DPF3: variants seen among roughly 807,000 people sequenced by gnomAD.
The protein encoded by DPF3 is double PHD fingers 3, also known as zinc finger protein DPF3.
Under a neutral mutation model 56.8 loss-of-function variants are expected in DPF3, and 18 were observed. The ratio of observed to expected loss-of-function variants is 0.32; its 90% CI spans 0.22 to 0.47. The LOEUF (loss-of-function observed/expected upper bound fraction) is 0.47, where lower values mean the gene tolerates loss of function less well. DPF3 is among the 20% of genes least tolerant of loss of function. DPF3 has a pLI of 1.00. For missense variants in DPF3, 403 were observed against 488.8 expected, an observed-to-expected ratio of 0.82 and a Z score of 1.65; for synonymous variants, 188 against 180.2, an observed-to-expected ratio of 1.04 and a Z score of -0.35.
chr14:72,791,138 C>A (rs1371150064), intron 1 of DPF3, among the ~76,000 whole-genome samples: 6 of 152,180 alleles, frequency 3.9e-5, no homozygotes, highest in Non-Finnish European at 2.9e-5. Context: ...ACTCCCCCGA[C>A]CTAGCCCTAG....
chr14:72,884,664 C>T (rs748158855), intron 1 of DPF3, among the ~76,000 whole-genome samples: 102 of 151,802 alleles, frequency 6.7e-4, no homozygotes, highest in Middle Eastern at 3.4e-3. Context: ...CCACCCACCT[C>T]CTGTTGTCAG....
At chr14:72,637,114 A>G (rs1885405628) in intron 8 of DPF3, among the ~76,000 whole-genome samples, 1 of 152,234 alleles carries the variant, frequency 6.6e-6, no homozygotes, top group Admixed American at 6.5e-5. Context: ...CATTCATGCA[A>G]GAGTATTACG....
At chr14:72,703,324 T>G (rs542349326) in intron 6 of DPF3, among the ~76,000 whole-genome samples, 90 of 152,272 alleles carry the variant, frequency 5.9e-4, no homozygotes, top group African/African-American at 2.1e-3. Flanking sequence ...ACAGCCACAT[T>G]TCTTGGGGCC....
intron 3 of DPF3, among the ~76,000 whole-genome samples, chr14:72,741,702 C>T (rs2139876539): frequency 1.3e-5 from 2 of 152,380 alleles, no homozygotes; most frequent in Admixed American, 1.3e-4. Context: ...GTACTATGTG[C>T]CAAGCCTCAT....
At chr14:72,847,701 G>A (rs1445712292) in intron 1 of DPF3, among the ~76,000 whole-genome samples, 4 of 151,862 alleles carry the variant, frequency 2.6e-5, no homozygotes, top group African/African-American at 4.8e-5. Flanking sequence ...TAGTAGAGAC[G>A]GGCTTTCACC....
At chr14:72,850,563 G>A (rs1250478352) in intron 1 of DPF3, among the ~76,000 whole-genome samples, 1 of 152,218 alleles carries the variant, frequency 6.6e-6, no homozygotes, top group Non-Finnish European at 1.5e-5. Flanking sequence ...TTCAGTCACT[G>A]CACTCATCCA....
At chr14:72,881,974 T>G (rs572174344) in intron 1 of DPF3, among the ~76,000 whole-genome samples, 3 of 152,168 alleles carry the variant, frequency 2.0e-5, no homozygotes, top group Non-Finnish European at 4.4e-5. Context: ...GATGAAGAGG[T>G]ATTGTCTGAT....
At chr14:72,712,282 G>A (rs1888688242) in intron 6 of DPF3, among the ~76,000 whole-genome samples, 1 of 152,178 alleles carries the variant, frequency 6.6e-6, no homozygotes, top group African/African-American at 2.4e-5. Context: ...GGGGACTCAG[G>A]AGACAGTGTG....
At position 72,714,276 on chromosome 14, in the gene DPF3, C is replaced by T. The variant is rs146528976; in HGVS notation, c.604+147G>A. Reference sequence around the variant, plus strand: ...AAGGAAGTGGTGACTGCGGTGGAGGCGGCAGGCGAGTAAGCTGGGGTGCAG... The same window carrying T: ...AAGGAAGTGGTGACTGCGGTGGAGGTGGCAGGCGAGTAAGCTGGGGTGCAG... On this transcript the variant is annotated intron_variant, in intron 6 of 10. Coordinates refer to ENST00000556509, the MANE Select transcript of DPF3 (RefSeq NM_001280542.3). The T allele has an allele frequency of 7.2e-4, 717 of 1,002,204 alleles. 11 individuals carry two copies. The East Asian group carries it at 0.017, about 23-fold the overall frequency. The allele number at this position is 1,002,204 out of a possible 1,614,324, so 62.1% of individuals were successfully genotyped here.
intron 8 of DPF3, among the ~76,000 whole-genome samples, chr14:72,666,348 G>GT (rs1248106348): frequency 1.3e-5 from 2 of 152,128 alleles, no homozygotes; most frequent in Non-Finnish European, 2.9e-5. Flanking sequence ...TGTTGTTTCA[G>GT]TTTTTTCTTT....
chr14:72,696,514 C>T (rs1021820338), intron 6 of DPF3, among the ~76,000 whole-genome samples: 2 of 152,222 alleles, frequency 1.3e-5, no homozygotes, highest in African/African-American at 4.8e-5. Context: ...CATATACATA[C>T]TACGCCTTCA....
At chr14:72,893,269 CCATT>C (rs1886848393) in intron 1 of DPF3, among the ~76,000 whole-genome samples, 1 of 152,116 alleles carries the variant, frequency 6.6e-6, no homozygotes, top group Non-Finnish European at 1.5e-5. Flanking sequence ...GGCGAGAACA[CCATT>C]CATAAGACCT....
At chr14:72,720,300 C>T (rs2153576408) in intron 5 of DPF3, among the ~76,000 whole-genome samples, 1 of 152,150 alleles carries the variant, frequency 6.6e-6, no homozygotes, top group South Asian at 2.1e-4. Flanking sequence ...CCAGATCAGC[C>T]TGAGCAACAG....
In DPF3 at chr14:72,796,373, T is replaced by C. The variant is rs146832559; in HGVS notation, c.33-24480A>G. ...AAAAAATTAGCCAGGCATAGTGGCA[T>C]GGGCCTGTGGTCCCAGCTACTCAGG... On this transcript the variant is annotated intron_variant, in intron 1 of 10. Transcript: ENST00000556509. Among the ~76,000 whole-genome samples the C allele has an allele frequency of 4.4e-3, 672 of 152,260 alleles. 8 individuals are homozygous for C. Among genetic ancestry groups the C allele is most frequent in the African/African-American group, 0.016 (651 of 41,544 alleles).
At chr14:72,703,774 T>A (rs1407509302) in intron 6 of DPF3, among the ~76,000 whole-genome samples, 1 of 152,188 alleles carries the variant, frequency 6.6e-6, no homozygotes, top group Non-Finnish European at 1.5e-5. Flanking sequence ...CTCAGCCCAG[T>A]GCCTGGCACA....
In DPF3 at chr14:72,617,537, T is replaced by A. The variant is rs1046710304; in HGVS notation, c.*1760A>T. On this transcript the variant is annotated 3_prime_UTR_variant, in exon 11 of 11. Coordinates refer to ENST00000556509, the MANE Select transcript of DPF3 (RefSeq NM_001280542.3). The stretch of plus-strand genomic sequence containing the variant: ...TCCATCCGGTCGGGGGCCCTTTAAA[T>A]GAGACCATTATGTATGTGTGTGATT... Among the ~76,000 whole-genome samples, 1 of 152,132 alleles carries A rather than the reference T, an allele frequency of 6.6e-6. No homozygotes were observed. The highest frequency in any genetic ancestry group is 1.5e-5 in the Non-Finnish European group (1 of 68,024).
chr14:72,659,819 A>T (rs57844472), intron 8 of DPF3, among the ~76,000 whole-genome samples: 1 of 152,254 alleles, frequency 6.6e-6, no homozygotes, highest in African/African-American at 2.4e-5. Flanking sequence ...TCATCAAAAG[A>T]TACATGGATA....
intron 8 of DPF3, among the ~76,000 whole-genome samples, chr14:72,646,686 G>GC (rs1885735780): frequency 6.6e-6 from 1 of 152,046 alleles, no homozygotes. Context: ...CATCTCTTTT[G>GC]CCCTCCTTGC....
At chr14:72,718,355 TCAAA>T (rs1405654846) in intron 5 of DPF3, among the ~76,000 whole-genome samples, 2 of 152,156 alleles carry the variant, frequency 1.3e-5, no homozygotes, top group Non-Finnish European at 2.9e-5. Flanking sequence ...CCAGTTGTTC[TCAAA>T]CAGTGTGGCC....
Sources: gnomAD v4.1 joint callset for allele counts (sites outside exome capture counted in the v4.1 genomes callset) on GRCh38, gnomAD v4.1.1 for gene constraint, MANE v1.5 for transcripts, NCBI Gene and HGNC (gene_info 2026-07-23, HGNC 2026-07-21) for gene names.